The following RBM47 variants were observed in gnomAD, a reference collection of about 807,000 sequenced individuals.
RBM47 encodes RNA binding motif protein 47, also known as RNA-binding protein 47.
A neutral mutation model predicts 47.1 loss-of-function variants in RBM47; 21 were observed. The ratio of observed to expected loss-of-function variants is 0.45; its 90% CI spans 0.32 to 0.64. The LOEUF (loss-of-function observed/expected upper bound fraction) is 0.64, where lower values mean the gene tolerates loss of function less well. Ranked by LOEUF, RBM47 falls within the 30% of genes least tolerant of loss-of-function variation. The probability of loss-of-function intolerance (pLI) is 0.05; values close to 1 mark genes in which losing one functional copy is unlikely to be tolerated. For synonymous variants in RBM47, 375 were observed against 361.7 expected (o/e 1.04, Z -0.42); for missense variants, 708 against 870.9 (o/e 0.81, Z 2.35).
chr4:40,491,768 C>T (rs550050041), intron 2 of RBM47: 2 of 198,012 alleles, frequency 1.0e-5, no homozygotes, highest in South Asian at 2.2e-4. Context: ...TGGAAAGCAT[C>T]GCAATAAGAT....
chr4:40,427,907 G>C (rs1273376971), intron 6 of RBM47, among the ~76,000 whole-genome samples: 2 of 151,940 alleles, frequency 1.3e-5, no homozygotes, highest in African/African-American at 4.8e-5. Context: ...TAATAACTCA[G>C]AGGCTGGGTG....
At chr4:40,444,683 T>C (rs1313250659) in intron 3 of RBM47, among the ~76,000 whole-genome samples, 2 of 151,018 alleles carry the variant, frequency 1.3e-5, no homozygotes, top group African/African-American at 4.9e-5. Context: ...TTTTTTTTTT[T>C]AGATGGAGTC....
chr4:40,425,128 G>C lies in RBM47; in HGVS notation c.*776C>G, dbSNP rs913841873. The C allele has an allele frequency of 1.3e-5, 2 of 152,646 alleles. No individual in the cohort carries two copies. The highest frequency in any genetic ancestry group is 4.8e-5 in the African/African-American group (2 of 41,456). The allele number at this position is 152,646 out of a possible 1,614,324, so 9.5% of individuals were successfully genotyped here. A position where few individuals can be genotyped will look rare whatever the true frequency, so the allele number is the denominator to read the frequency against. ...GGGATTGGGAATCTGGGGAGGAGGG[G>C]ACAGGGTGAGAGATGTGGGAGTGGG... On this transcript the variant is annotated 3_prime_UTR_variant, in exon 7 of 7. Transcript: ENST00000295971.
chr4:40,425,734 C>G lies in RBM47; in HGVS notation c.*170G>C. 1 of 1,004,940 alleles carries G rather than the reference C, an allele frequency of 1.0e-6. No homozygotes were observed. Among genetic ancestry groups the G allele is most frequent in the South Asian group, 1.9e-5 (1 of 53,832 alleles). 62.3% of individuals were successfully genotyped at this position (1,004,940 alleles called of 1,614,324 possible). On this transcript the variant is annotated 3_prime_UTR_variant, in exon 7 of 7. Transcript: ENST00000295971. ...GTAGGCATGCTAAGTTGAAAATAGT[C>G]TTAAAAAACTAGTGAAAACTTCATG...
At chr4:40,437,169 T>TA (rs1560357805) in intron 4 of RBM47, among the ~76,000 whole-genome samples, 8 of 111,386 alleles carry the variant, frequency 7.2e-5, no homozygotes, top group East Asian at 5.1e-4. Flanking sequence ...TATATATATA[T>TA]ATAATACATA....
intron 1 of RBM47, among the ~76,000 whole-genome samples, chr4:40,575,430 T>G (rs1732192334): frequency 6.6e-6 from 1 of 151,646 alleles, no homozygotes; most frequent in Non-Finnish European, 1.5e-5. Flanking sequence ...CGGGCCCCTT[T>G]AATCCCAGCT....
At chr4:40,556,710 C>T (rs1233314099) in intron 1 of RBM47, among the ~76,000 whole-genome samples, 99 of 151,214 alleles carry the variant, frequency 6.5e-4, no homozygotes, top group Admixed American at 6.5e-3. Context: ...GGCAATATGG[C>T]GAAATCTTGT....
chr4:40,498,821 T>G (rs917324233), intron 2 of RBM47, among the ~76,000 whole-genome samples: 1 of 152,128 alleles, frequency 6.6e-6, no homozygotes, highest in South Asian at 2.1e-4. Flanking sequence ...TGACTGTGAT[T>G]TGGTGCCTTT....
chr4:40,441,601 A>G (rs1456249028), intron 3 of RBM47, among the ~76,000 whole-genome samples: 1 of 152,222 alleles, frequency 6.6e-6, no homozygotes, highest in East Asian at 1.9e-4. Context: ...TACCTGTTGT[A>G]CTGTATACAA....
intron 3 of RBM47, among the ~76,000 whole-genome samples, chr4:40,441,814 G>T (rs563022496): frequency 6.6e-6 from 1 of 152,312 alleles, no homozygotes; most frequent in Admixed American, 6.5e-5. Flanking sequence ...TCTGAAATCT[G>T]CTGGTGTCAG....
chr4:40,596,411 C>T (rs1042119715), intron 1 of RBM47, among the ~76,000 whole-genome samples: 16 of 152,150 alleles, frequency 1.1e-4, no homozygotes, highest in African/African-American at 3.9e-4. Flanking sequence ...ATTGCTCTTT[C>T]TGTAGCCAGA....
intron 2 of RBM47, among the ~76,000 whole-genome samples, chr4:40,484,999 TTTTG>T (rs1005915326): frequency 4.6e-5 from 7 of 150,914 alleles, no homozygotes; most frequent in East Asian, 1.9e-4. Context: ...GTCTCTTTTT[TTTTG>T]TTTGTTTTCT....
chr4:40,458,696 C>G (rs1476035651), intron 3 of RBM47, among the ~76,000 whole-genome samples: 1 of 152,044 alleles, frequency 6.6e-6, no homozygotes, highest in African/African-American at 2.4e-5. Flanking sequence ...AATATGTGTT[C>G]TTTTTATTCA....
intron 2 of RBM47, among the ~76,000 whole-genome samples, chr4:40,481,348 C>T (rs1178333321): frequency 6.7e-6 from 1 of 149,922 alleles, no homozygotes; most frequent in Non-Finnish European, 1.5e-5. Flanking sequence ...CCTTGGCTCA[C>T]TGTAACATCT....
intron 1 of RBM47, among the ~76,000 whole-genome samples, chr4:40,614,914 A>G (rs754373796): frequency 6.6e-6 from 1 of 152,024 alleles, no homozygotes; most frequent in African/African-American, 2.4e-5. Flanking sequence ...ATTTCTACAC[A>G]TGTCAAATGA....
At chr4:40,444,506 G>C (rs530026681) in intron 3 of RBM47, among the ~76,000 whole-genome samples, 15 of 152,174 alleles carry the variant, frequency 9.9e-5, no homozygotes, top group African/African-American at 3.6e-4. Context: ...AGACAGTGTG[G>C]CTCATAAAGC....
At chr4:40,608,010 C>A (rs1000183962) in intron 1 of RBM47, among the ~76,000 whole-genome samples, 4 of 151,032 alleles carry the variant, frequency 2.6e-5, no homozygotes, top group African/African-American at 4.9e-5. Flanking sequence ...CAGGCTGAGG[C>A]AGAATTGCTT....
intron 6 of RBM47, among the ~76,000 whole-genome samples, chr4:40,432,100 C>T (rs1406638589): frequency 1.3e-5 from 2 of 152,036 alleles, no homozygotes; most frequent in African/African-American, 4.8e-5. Flanking sequence ...GTGATCCTCC[C>T]ATCTTGGCCT....
chr4:40,439,459 C>T (rs535421411), intron 3 of RBM47, among the ~76,000 whole-genome samples: 2 of 152,274 alleles, frequency 1.3e-5, no homozygotes, highest in East Asian at 3.9e-4. Context: ...TGTATTAAAG[C>T]TTTTTACAAG....
Sources: gnomAD v4.1 joint callset for allele counts (sites outside exome capture counted in the v4.1 genomes callset) on GRCh38, gnomAD v4.1.1 for gene constraint, MANE v1.5 for transcripts, NCBI Gene and HGNC (gene_info 2026-07-23, HGNC 2026-07-21) for gene names.